The following DPP10 variants were observed in gnomAD, a reference collection of about 807,000 sequenced individuals.
DPP10 encodes the protein inactive dipeptidyl peptidase 10.
A neutral mutation model predicts 120.9 loss-of-function variants in DPP10; 33 were observed. That is an observed-to-expected ratio of 0.27 (90% CI 0.21 to 0.37). DPP10 has a LOEUF of 0.37. Among genes scored for constraint, DPP10 ranks in the 10% least tolerant of loss-of-function variants. The probability of loss-of-function intolerance (pLI) is 1.00; values close to 1 mark genes in which losing one functional copy is unlikely to be tolerated. For synonymous variants in DPP10, 337 were observed against 326.1 expected, an observed-to-expected ratio of 1.03 and a Z score of -0.36; for missense variants, 816 against 942.8, an observed-to-expected ratio of 0.87 and a Z score of 1.76.
chr2:114,594,947 C>T (rs1426921961), intron 1 of DPP10, among the ~76,000 whole-genome samples: 2 of 151,954 alleles, frequency 1.3e-5, no homozygotes, highest in Non-Finnish European at 2.9e-5. Flanking sequence ...CTCCCCCAGC[C>T]CCCACTGGAT....
chr2:114,793,371 C>T (rs534253946), intron 1 of DPP10, among the ~76,000 whole-genome samples: 302 of 152,138 alleles, frequency 2.0e-3, no homozygotes, highest in African/African-American at 7.0e-3. Context: ...TTGTTCAACT[C>T]CCACTTATGA....
chr2:114,549,234 G>A (rs775951387), intron 1 of DPP10, among the ~76,000 whole-genome samples: 1 of 151,142 alleles, frequency 6.6e-6, no homozygotes, highest in Non-Finnish European at 1.5e-5. Flanking sequence ...GACCCAGGAG[G>A]GAGTCTGCAG....
intron 1 of DPP10, among the ~76,000 whole-genome samples, chr2:114,797,706 A>G (rs1683835026): frequency 6.6e-6 from 1 of 152,208 alleles, no homozygotes; most frequent in Admixed American, 6.5e-5. Flanking sequence ...TACATAAAAT[A>G]AAAGTGTCAA....
At chr2:114,458,021 A>C (rs1039956272) in intron 1 of DPP10, among the ~76,000 whole-genome samples, 1 of 152,216 alleles carries the variant, frequency 6.6e-6, no homozygotes, top group Non-Finnish European at 1.5e-5. Context: ...AGGGTAAGGC[A>C]GGCTGAGGCT....
intron 1 of DPP10, among the ~76,000 whole-genome samples, chr2:114,445,795 A>G (rs1358042073): frequency 6.6e-6 from 1 of 152,092 alleles, no homozygotes; most frequent in African/African-American, 2.4e-5. Context: ...ACAGTTACTG[A>G]CACACTTTTC....
chr2:115,556,042 G>C (rs376439565), intron 5 of DPP10, among the ~76,000 whole-genome samples: 1 of 152,038 alleles, frequency 6.6e-6, no homozygotes, highest in South Asian at 2.1e-4. Context: ...GGTCCCCAGA[G>C]TCTATAATTT....
chr2:114,845,377 G>C (rs1302553002), intron 1 of DPP10, among the ~76,000 whole-genome samples: 2 of 152,070 alleles, frequency 1.3e-5, no homozygotes, highest in African/African-American at 4.8e-5. Flanking sequence ...GCTTAGTTTT[G>C]CTGTGAATCT....
chr2:115,267,424 T>TCCTTCC (rs2059506227), intron 1 of DPP10, among the ~76,000 whole-genome samples: 1 of 152,174 alleles, frequency 6.6e-6, no homozygotes, highest in African/African-American at 2.4e-5. Flanking sequence ...CAGGGACTTG[T>TCCTTCC]TTTTAGGAAG....
At chr2:114,949,555 G>C (rs962305220) in intron 1 of DPP10, among the ~76,000 whole-genome samples, 1 of 152,208 alleles carries the variant, frequency 6.6e-6, no homozygotes, top group Non-Finnish European at 1.5e-5. Flanking sequence ...CAGAGATTTT[G>C]ATTCATTAGG....
chr2:114,556,707 A>G (rs1688341939), intron 1 of DPP10, among the ~76,000 whole-genome samples: 1 of 152,146 alleles, frequency 6.6e-6, no homozygotes, highest in South Asian at 2.1e-4. Context: ...TTGAAGACTG[A>G]GTTCTGGGAC....
intron 1 of DPP10, among the ~76,000 whole-genome samples, chr2:115,299,397 G>A (rs1347234162): frequency 3.3e-5 from 5 of 151,908 alleles, no homozygotes; most frequent in Admixed American, 2.0e-4. Flanking sequence ...AAATGTTCTC[G>A]TGGGAGGCTT....
intron 1 of DPP10, among the ~76,000 whole-genome samples, chr2:115,077,729 T>G (rs1038426660): frequency 5.3e-5 from 8 of 152,230 alleles, no homozygotes; most frequent in Non-Finnish European, 1.0e-4. Flanking sequence ...GTGGGCCTGT[T>G]GCCCTCAAGA....
intron 1 of DPP10, among the ~76,000 whole-genome samples, chr2:115,300,101 A>G (rs1193618275): frequency 6.6e-6 from 1 of 152,074 alleles, no homozygotes; most frequent in Non-Finnish European, 1.5e-5. Context: ...TGTTTTTATT[A>G]TAGTACTGTT....
rs568763273 is a variant in DPP10 at position 115,274,567 on chromosome 2, G to A, written c.61-34672G>A. ...AGTTCTAATAAAAAATTTACACAGC[G>A]GAGGCTTTGATTAAATGAATTATTC... On this transcript the variant is annotated intron_variant, in intron 1 of 25. Transcript: ENST00000410059. 2.1e-3 allele frequency among the ~76,000 whole-genome samples: 324 copies of A among 152,188 alleles called. 2 individuals are homozygous for A. The highest frequency in any genetic ancestry group is 6.8e-3 in the Middle Eastern group (2 of 294).
At chr2:114,627,581 G>A (rs988908947) in intron 1 of DPP10, among the ~76,000 whole-genome samples, 9 of 151,978 alleles carry the variant, frequency 5.9e-5, no homozygotes. Flanking sequence ...AATCAAAGAG[G>A]CCAATAGAGG....
chr2:115,091,438 T>G (rs1208488275), intron 1 of DPP10, among the ~76,000 whole-genome samples: 1 of 152,200 alleles, frequency 6.6e-6, no homozygotes, highest in Non-Finnish European at 1.5e-5. Context: ...TTTGAGTATG[T>G]GATGGAGATC....
intron 5 of DPP10, among the ~76,000 whole-genome samples, chr2:115,622,829 C>CTTTTTTTTTT (rs765780452): frequency 1.2e-4 from 16 of 128,326 alleles, no homozygotes; most frequent in Non-Finnish European, 1.3e-4. Flanking sequence ...TTCGTTTATT[C>CTTTTTTTTTT]TTTTTTTTTT....
chr2:114,952,788 A>T (rs1235178438), intron 1 of DPP10, among the ~76,000 whole-genome samples: 3 of 151,476 alleles, frequency 2.0e-5, no homozygotes, highest in Non-Finnish European at 4.4e-5. Flanking sequence ...CTAGGTACAC[A>T]GTAGTTGATG....
chr2:115,474,498 G>A (rs756235392), intron 3 of DPP10, among the ~76,000 whole-genome samples: 4 of 152,106 alleles, frequency 2.6e-5, no homozygotes, highest in Admixed American at 6.6e-5. Context: ...GAACTTGGAG[G>A]CATTTTGCCC....
Sources: allele counts gnomAD v4.1 joint callset (sites outside exome capture counted in the v4.1 genomes callset), GRCh38; gene constraint gnomAD v4.1.1; transcripts MANE v1.5; gene names NCBI Gene and HGNC (gene_info 2026-07-23, HGNC 2026-07-21).